The following CSMD1 variants were observed in gnomAD, a reference collection of about 807,000 sequenced individuals.
The protein encoded by CSMD1 is CUB and sushi domain-containing protein 1.
In CSMD1, 213 loss-of-function variants were observed where a neutral mutation model predicts 417.5. The observed-to-expected ratio is 0.51, with a 90% confidence interval of 0.46 to 0.57. CSMD1 has a LOEUF of 0.57. Among genes scored for constraint, CSMD1 ranks in the 20% least tolerant of loss-of-function variants. The pLI, the probability that CSMD1 is intolerant of heterozygous loss-of-function variation, is 0.00. For missense variants in CSMD1, 6,923 were observed against 4,529.7 expected, an observed-to-expected ratio of 1.53 and a Z score of -15.17; for synonymous variants, 2,862 against 1,736.8, an observed-to-expected ratio of 1.65 and a Z score of -16.11.
At chr8:4,374,964 G>C (rs992422337) in intron 3 of CSMD1, among the ~76,000 whole-genome samples, 1 of 74,602 alleles carries the variant, frequency 1.3e-5, no homozygotes, top group East Asian at 4.0e-4. Flanking sequence ...GGTGGGGTGG[G>C]GGGGGGGGGC....
At chr8:3,810,041 C>T (rs1346367299) in intron 5 of CSMD1, among the ~76,000 whole-genome samples, 5 of 152,182 alleles carry the variant, frequency 3.3e-5, no homozygotes, top group Non-Finnish European at 5.9e-5. Context: ...TGTCTGTAGT[C>T]CTCTGTCACA....
chr8:4,686,137 T>C (rs1024935135), intron 1 of CSMD1, among the ~76,000 whole-genome samples: 2 of 152,180 alleles, frequency 1.3e-5, no homozygotes, highest in South Asian at 2.1e-4. Flanking sequence ...TGCCAAATTA[T>C]GTGCTATTCC....
chr8:3,905,424 C>T (rs992268422), intron 5 of CSMD1, among the ~76,000 whole-genome samples: 2 of 152,124 alleles, frequency 1.3e-5, no homozygotes, highest in Non-Finnish European at 2.9e-5. Flanking sequence ...AGGCAGGTGG[C>T]GTCAAGTCAC....
At chr8:3,460,110 T>C (rs1816402327) in intron 12 of CSMD1, among the ~76,000 whole-genome samples, 1 of 151,976 alleles carries the variant, frequency 6.6e-6, no homozygotes, top group African/African-American at 2.4e-5. Flanking sequence ...TAAACAATTG[T>C]TGGGATGGAG....
chr8:4,469,091 T>C (rs1441506795), intron 2 of CSMD1, among the ~76,000 whole-genome samples: 2 of 152,176 alleles, frequency 1.3e-5, no homozygotes. Flanking sequence ...ACAGAAGACC[T>C]GTTTGAAGAG....
At chr8:2,947,235 GT>G (rs1230761718) in intron 68 of CSMD1, among the ~76,000 whole-genome samples, 4 of 152,100 alleles carry the variant, frequency 2.6e-5, no homozygotes, top group African/African-American at 7.2e-5. Context: ...TCTTACGCAA[GT>G]TTTTGCATTA....
intron 3 of CSMD1, among the ~76,000 whole-genome samples, chr8:4,354,910 T>TGTGTGTG (rs1468959998): frequency 4.1e-5 from 3 of 72,424 alleles, no homozygotes; most frequent in African/African-American, 8.0e-5. Context: ...GTGTGTGTGT[T>TGTGTGTG]AAATATTTGA....
At chr8:4,086,251 T>A (rs1272850820) in intron 3 of CSMD1, among the ~76,000 whole-genome samples, 1 of 151,824 alleles carries the variant, frequency 6.6e-6, no homozygotes, top group Non-Finnish European at 1.5e-5. Flanking sequence ...CAAAGACAAA[T>A]AAGGAAGACC....
intron 10 of CSMD1, among the ~76,000 whole-genome samples, chr8:3,506,682 C>A (rs73658140): frequency 1.3e-5 from 2 of 151,968 alleles, no homozygotes; most frequent in Non-Finnish European, 2.9e-5. Flanking sequence ...AAATAAACTC[C>A]GAATTTGGGG....
chr8:4,539,995 C>T (rs746701866), intron 2 of CSMD1, among the ~76,000 whole-genome samples: 3 of 152,154 alleles, frequency 2.0e-5, no homozygotes, highest in African/African-American at 4.8e-5. Context: ...GGCTATTGAG[C>T]CGCTCACCGG....
At chr8:3,111,468 T>C (rs985327274) in intron 42 of CSMD1, among the ~76,000 whole-genome samples, 1 of 152,180 alleles carries the variant, frequency 6.6e-6, no homozygotes, top group South Asian at 2.1e-4. Context: ...AAATTATCCC[T>C]GGGAGCCTCC....
chr8:4,437,297 T>C (rs756811390), intron 2 of CSMD1, among the ~76,000 whole-genome samples: 1 of 152,176 alleles, frequency 6.6e-6, no homozygotes, highest in Non-Finnish European at 1.5e-5. Context: ...GAAATATGAT[T>C]ATTTAGTTTG....
chr8:4,193,686 A>G (rs551609393), intron 3 of CSMD1, among the ~76,000 whole-genome samples: 3 of 152,278 alleles, frequency 2.0e-5, no homozygotes, highest in East Asian at 3.9e-4. Flanking sequence ...CAGCTCAACA[A>G]AGATAAAAAT....
chr8:4,209,836 C>G (rs945220010), intron 3 of CSMD1, among the ~76,000 whole-genome samples: 1 of 152,172 alleles, frequency 6.6e-6, no homozygotes, highest in Non-Finnish European at 1.5e-5. Context: ...CAATTACATG[C>G]AAAATAAGGA....
intron 3 of CSMD1, among the ~76,000 whole-genome samples, chr8:4,351,023 T>G (rs1163098087): frequency 6.6e-6 from 1 of 152,184 alleles, no homozygotes; most frequent in Non-Finnish European, 1.5e-5. Context: ...CTGTCTTGGC[T>G]ACCTCTATCA....
chr8:3,976,711 T>C (rs1438712226), intron 5 of CSMD1, among the ~76,000 whole-genome samples: 1 of 152,144 alleles, frequency 6.6e-6, no homozygotes, highest in Non-Finnish European at 1.5e-5. Context: ...ACCCTTTTAA[T>C]CTCCACAAGA....
intron 2 of CSMD1, among the ~76,000 whole-genome samples, chr8:4,545,975 C>T (rs1229433190): frequency 1.3e-5 from 2 of 152,106 alleles, no homozygotes; most frequent in Non-Finnish European, 2.9e-5. Flanking sequence ...GCCTGAATCC[C>T]CTTCTTATGA....
chr8:4,623,764 T>A (rs1801922534), intron 2 of CSMD1, among the ~76,000 whole-genome samples: 1 of 152,030 alleles, frequency 6.6e-6, no homozygotes. Context: ...TCATATAATT[T>A]GGCATATATA....
intron 1 of CSMD1, among the ~76,000 whole-genome samples, chr8:4,720,001 C>A (rs1254495056): frequency 6.6e-6 from 1 of 151,914 alleles, no homozygotes; most frequent in Non-Finnish European, 1.5e-5. Context: ...GTCATTCTCA[C>A]CAAGTTTAAG....
Sources: gnomAD v4.1 joint callset for allele counts (sites outside exome capture counted in the v4.1 genomes callset) on GRCh38, gnomAD v4.1.1 for gene constraint, MANE v1.5 for transcripts, NCBI Gene and HGNC (gene_info 2026-07-23, HGNC 2026-07-21) for gene names.